The following MAP3K19 variants were observed in gnomAD, a reference collection of about 807,000 sequenced individuals.
MAP3K19 encodes the protein mitogen-activated protein kinase kinase kinase 19, also known as SPS1/STE20-related protein kinase YSK4.
MAP3K19 carries 91 observed loss-of-function variants against 114.4 expected under a neutral mutation model. The ratio of observed to expected loss-of-function variants is 0.80; its 90% CI spans 0.67 to 0.95. The LOEUF (loss-of-function observed/expected upper bound fraction) is 0.95, where lower values mean the gene tolerates loss of function less well. Among genes scored for constraint, MAP3K19 ranks in the 40% least tolerant of loss-of-function variants. MAP3K19 has a pLI of 0.00. For missense variants in MAP3K19, 1,471 were observed against 1,573.2 expected, an observed-to-expected ratio of 0.94 and a Z score of 1.10; for synonymous variants, 518 against 530.5, an observed-to-expected ratio of 0.98 and a Z score of 0.32.
chr2:135,021,749 T>G lies in MAP3K19; in HGVS notation c.104A>C (p.Gln35Pro). 1.2e-6 allele frequency: 2 copies of G among 1,612,658 alleles called. No individual in the cohort carries two copies. The highest frequency in any genetic ancestry group is 1.7e-6 in the Non-Finnish European group (2 of 1,179,440). Residue 35 changes from glutamine to proline, a missense_variant, in exon 5 of 13, where the codon CAA becomes CCA. Coordinates refer to ENST00000392915, the MANE Select transcript of MAP3K19 (RefSeq NM_025052.5). ...PTDLMTVTKN[Q>P]NIILQSISRS... ...GCTGATGCTTTGCAAGATGATGTTT[T>G]GATTTTTGGTAACTGTCATCAAATC...
intron 12 of MAP3K19, among the ~76,000 whole-genome samples, chr2:134,976,378 G>C (rs1411122940): frequency 6.6e-6 from 1 of 152,162 alleles, no homozygotes; most frequent in Non-Finnish European, 1.5e-5. Context: ...GTGAGAATGT[G>C]GACCACTGAG....
chr2:135,024,761 C>T lies in MAP3K19; in HGVS notation c.-94-20G>A. ...GGATCTCTAGGAAGAACAGAATCAA[C>T]ATTAAAGTTTATTTAGTTGAATCTG... is the stretch of plus-strand genomic sequence containing the variant. On this transcript the variant is annotated intron_variant, in intron 3 of 12. Coordinates refer to ENST00000392915, the MANE Select transcript of MAP3K19 (RefSeq NM_025052.5). The T allele has an allele frequency of 1.2e-6, 1 of 864,648 alleles. No individual in the cohort carries two copies. The highest frequency in any genetic ancestry group is 1.9e-6 in the Non-Finnish European group (1 of 537,954). 53.6% of individuals were successfully genotyped at this position (864,648 alleles called of 1,614,324 possible).
intron 5 of MAP3K19, among the ~76,000 whole-genome samples, chr2:135,021,428 T>C (rs928937831): frequency 2.0e-5 from 3 of 151,758 alleles, no homozygotes; most frequent in Non-Finnish European, 4.4e-5. Context: ...ACCCAATCTA[T>C]GGTACTTTGT....
At chr2:135,041,779 C>T (rs1688650111) in intron 1 of MAP3K19, among the ~76,000 whole-genome samples, 1 of 152,146 alleles carries the variant, frequency 6.6e-6, no homozygotes, top group Admixed American at 6.5e-5. Flanking sequence ...AGATTGAAAG[C>T]AAAAGAACAA....
intron 5 of MAP3K19, among the ~76,000 whole-genome samples, chr2:135,021,440 A>G (rs1687965319): frequency 6.6e-6 from 1 of 151,334 alleles, no homozygotes; most frequent in Non-Finnish European, 1.5e-5. Flanking sequence ...GTACTTTGTT[A>G]TAGCAGCCAG....
At chr2:135,024,420 A>G (rs1185598083) in intron 4 of MAP3K19, among the ~76,000 whole-genome samples, 5 of 152,230 alleles carry the variant, frequency 3.3e-5, no homozygotes, top group Non-Finnish European at 5.9e-5. Flanking sequence ...ACCATGCTGT[A>G]TATTTTCAAA....
At chr2:135,026,538 G>A (rs1382485369) in intron 3 of MAP3K19, among the ~76,000 whole-genome samples, 1 of 151,024 alleles carries the variant, frequency 6.6e-6, no homozygotes, top group East Asian at 1.9e-4. Context: ...ATGAAGTACT[G>A]AGAAAGAGCT....
intron 3 of MAP3K19, among the ~76,000 whole-genome samples, chr2:135,026,656 T>G (rs957911788): frequency 6.6e-6 from 1 of 152,162 alleles, no homozygotes; most frequent in South Asian, 2.1e-4. Flanking sequence ...AAAAAAAAAG[T>G]GCATTGTTTA....
intron 2 of MAP3K19, among the ~76,000 whole-genome samples, chr2:135,030,820 G>A (rs1431534202): frequency 6.6e-6 from 1 of 152,204 alleles, no homozygotes; most frequent in African/African-American, 2.4e-5. Context: ...CTACTGGGAG[G>A]TTGAGGCGGG....
At chr2:135,019,455 C>T (rs902376427) in intron 5 of MAP3K19, among the ~76,000 whole-genome samples, 1 of 151,942 alleles carries the variant, frequency 6.6e-6, no homozygotes, top group African/African-American at 2.4e-5. Context: ...TTTAGGAGGC[C>T]GAGGCAGGAG....
intron 6 of MAP3K19, among the ~76,000 whole-genome samples, chr2:135,004,396 C>T (rs527460739): frequency 2.6e-5 from 4 of 152,204 alleles, no homozygotes; most frequent in African/African-American, 9.6e-5. Flanking sequence ...GGAAGATTCC[C>T]AGTGGGCGTG....
chr2:134,969,113 T>C (rs4599167), intron 12 of MAP3K19, among the ~76,000 whole-genome samples: 46,437 of 151,850 alleles, frequency 0.31, 8,064 homozygotes, highest in Middle Eastern at 0.62. Flanking sequence ...CTTGGGAGGC[T>C]GAGGCTGGCG....
intron 8 of MAP3K19, among the ~76,000 whole-genome samples, chr2:134,994,178 C>A (rs1685822111): frequency 6.6e-6 from 1 of 152,122 alleles, no homozygotes; most frequent in Non-Finnish European, 1.5e-5. Context: ...GATAAAACAA[C>A]AGATGAGCAA....
intron 12 of MAP3K19, among the ~76,000 whole-genome samples, chr2:134,980,461 C>T (rs188496952): frequency 2.0e-5 from 3 of 152,320 alleles, no homozygotes; most frequent in East Asian, 1.9e-4. Flanking sequence ...TTTCCCCTCA[C>T]TTTAAATGCA....
At chr2:134,978,237 A>C (rs1020188063) in intron 12 of MAP3K19, among the ~76,000 whole-genome samples, 16 of 149,202 alleles carry the variant, frequency 1.1e-4, no homozygotes, top group Admixed American at 2.0e-4. Context: ...CTTAGGCTGG[A>C]GTGCAGTGGT....
At chr2:135,023,512 G>A (rs1337532423) in intron 4 of MAP3K19, 1 of 533,326 alleles carries the variant, frequency 1.9e-6, no homozygotes, top group Non-Finnish European at 3.8e-6. Context: ...CTACTTGAAA[G>A]TTCCAATGTG....
chr2:135,011,736 G>A (rs992225290), intron 5 of MAP3K19, among the ~76,000 whole-genome samples: 1 of 151,944 alleles, frequency 6.6e-6, no homozygotes, highest in African/African-American at 2.4e-5. Context: ...TGGCTGGAGT[G>A]CAGTGGTGTG....
rs1232948950 is a variant in MAP3K19 at position 134,985,982 on chromosome 2, C to A, written c.2890G>T (p.Glu964Ter). Residue 964 changes from glutamate to a stop codon, truncating the protein, a stop_gained, in exon 10 of 13, where the codon GAA becomes TAA. Coordinates refer to ENST00000392915, the MANE Select transcript of MAP3K19 (RefSeq NM_025052.5). LOFTEE classifies it high-confidence loss of function. The stretch of plus-strand genomic sequence containing the variant: ...CAACCTAATAGTTCATCTGTCAATT[C>A]TTCATTATTTACAGAGTCCATAATT... ...QEIMDSVNNE[E>*]LTDELLGCLA... The A allele has an allele frequency of 4.3e-6, 7 of 1,613,488 alleles. No homozygotes were observed. Among genetic ancestry groups the A allele is most frequent in the Non-Finnish European group, 5.9e-6 (7 of 1,179,774 alleles).
intron 5 of MAP3K19, among the ~76,000 whole-genome samples, chr2:135,016,060 G>A (rs535204870): frequency 6.6e-6 from 1 of 152,112 alleles, no homozygotes; most frequent in South Asian, 2.1e-4. Context: ...AGAACACCCT[G>A]GGCAACAAAG....
Sources: allele counts gnomAD v4.1 joint callset (sites outside exome capture counted in the v4.1 genomes callset), GRCh38; gene constraint gnomAD v4.1.1; transcripts MANE v1.5; gene names NCBI Gene and HGNC (gene_info 2026-07-23, HGNC 2026-07-21).